MECOM: variants seen among roughly 807,000 people sequenced by gnomAD.
MECOM encodes the protein histone-lysine N-methyltransferase MECOM.
Under a neutral mutation model 116.3 loss-of-function variants are expected in MECOM, and 13 were observed. The observed-to-expected ratio is 0.11, with a 90% CI of 0.07 to 0.18. The LOEUF is 0.18. Among genes scored for constraint, MECOM ranks in the 10% least tolerant of loss-of-function variants. MECOM has a pLI of 1.00. For missense variants in MECOM, 1,299 were observed against 1,509.0 expected (o/e 0.86, Z 2.31); for synonymous variants, 528 against 535.2 (o/e 0.99, Z 0.19).
At chr3:169,649,284 AC>A (rs1774571411) in intron 1 of MECOM, among the ~76,000 whole-genome samples, 2 of 151,562 alleles carry the variant, frequency 1.3e-5, no homozygotes, top group African/African-American at 4.8e-5. Context: ...CCATGGTGAA[AC>A]CCTGTCTCAG....
intron 1 of MECOM, among the ~76,000 whole-genome samples, chr3:169,653,086 T>C (rs1029576971): frequency 2.0e-5 from 3 of 152,210 alleles, no homozygotes; most frequent in Non-Finnish European, 2.9e-5. Flanking sequence ...AAATTAGGAA[T>C]AATACTCCAC....
At chr3:169,328,326 T>C (rs1170364094) in intron 2 of MECOM, among the ~76,000 whole-genome samples, 1 of 152,216 alleles carries the variant, frequency 6.6e-6, no homozygotes, top group Non-Finnish European at 1.5e-5. Context: ...GCACATTTTG[T>C]CAACATCTCA....
chr3:169,311,863 A>T (rs184821554), intron 2 of MECOM, among the ~76,000 whole-genome samples: 1 of 152,334 alleles, frequency 6.6e-6, no homozygotes, highest in Admixed American at 6.5e-5. Context: ...TGTGATTCAA[A>T]AAAAAGTTGA....
At chr3:169,587,225 T>C (rs539218958) in intron 1 of MECOM, among the ~76,000 whole-genome samples, 2 of 152,298 alleles carry the variant, frequency 1.3e-5, no homozygotes, top group Middle Eastern at 3.4e-3. Context: ...TTTCCTGTAA[T>C]ACAGAAATGA....
intron 2 of MECOM, among the ~76,000 whole-genome samples, chr3:169,210,044 T>C (rs1251387950): frequency 6.6e-6 from 1 of 152,146 alleles, no homozygotes; most frequent in African/African-American, 2.4e-5. Context: ...TGCGATCATG[T>C]CCTTTGCAGG....
chr3:169,310,382 T>C (rs1718528287), intron 2 of MECOM, among the ~76,000 whole-genome samples: 2 of 152,236 alleles, frequency 1.3e-5, no homozygotes, highest in African/African-American at 4.8e-5. Context: ...CTCAGTCCTT[T>C]ATGACTCACA....
intron 2 of MECOM, among the ~76,000 whole-genome samples, chr3:169,333,734 CA>C (rs1723117359): frequency 6.6e-6 from 1 of 151,918 alleles, no homozygotes. Context: ...AATATGAAAA[CA>C]AATCATTTTT....
intron 1 of MECOM, among the ~76,000 whole-genome samples, chr3:169,425,009 C>T (rs1740402158): frequency 6.6e-6 from 1 of 151,800 alleles, no homozygotes; most frequent in Non-Finnish European, 1.5e-5. Context: ...ATATATTCAG[C>T]TTAACTACAA....
At chr3:169,594,170 A>AAAAAAAAAAAAAAAAAAAAAAAAACC (rs1553894632) in intron 1 of MECOM, among the ~76,000 whole-genome samples, 3 of 119,350 alleles carry the variant, frequency 2.5e-5, no homozygotes, top group African/African-American at 1.2e-4. Context: ...AAAAAAAAAA[A>AAAAAAAAAAAAAAAAAAAAAAAAACC]AAAAAACACC....
intron 2 of MECOM, among the ~76,000 whole-genome samples, chr3:169,340,167 T>C (rs1187360457): frequency 2.0e-5 from 3 of 152,200 alleles, no homozygotes; most frequent in Non-Finnish European, 4.4e-5. Context: ...GCTTCTTTAA[T>C]AACAAAATGC....
chr3:169,487,913 C>T (rs574395601), intron 1 of MECOM, among the ~76,000 whole-genome samples: 177 of 152,112 alleles, frequency 1.2e-3, no homozygotes, highest in African/African-American at 4.1e-3. Flanking sequence ...ATGAAAAAAT[C>T]ATTATTCCCT....
chr3:169,342,187 A>C (rs143711764), intron 2 of MECOM, among the ~76,000 whole-genome samples: 55 of 152,206 alleles, frequency 3.6e-4, no homozygotes, highest in African/African-American at 1.2e-3. Flanking sequence ...TTCAGCAATT[A>C]ACCAAGTTTA....
intron 1 of MECOM, among the ~76,000 whole-genome samples, chr3:169,485,922 TA>T (rs1288944992): frequency 3.3e-4 from 27 of 82,074 alleles, no homozygotes; most frequent in African/African-American, 1.2e-3. Flanking sequence ...TATGTATATA[TA>T]GTATATATAG....
At chr3:169,396,613 G>A (rs578105919) in intron 1 of MECOM, among the ~76,000 whole-genome samples, 1 of 152,074 alleles carries the variant, frequency 6.6e-6, no homozygotes, top group South Asian at 2.1e-4. Flanking sequence ...AAATTACTAT[G>A]TGGCTCACAT....
At chr3:169,638,999 CTGTT>C (rs34383661) in intron 1 of MECOM, among the ~76,000 whole-genome samples, 59,690 of 151,640 alleles carry the variant, frequency 0.39, 12,029 homozygotes, top group East Asian at 0.56. Flanking sequence ...GTCTCTTTCT[CTGTT>C]TGCAGCAATT....
intron 1 of MECOM, among the ~76,000 whole-genome samples, chr3:169,471,211 C>CT (rs974861655): frequency 6.6e-6 from 1 of 152,118 alleles, no homozygotes; most frequent in African/African-American, 2.4e-5. Context: ...ATGCTGGTCT[C>CT]TAACTCCTGG....
At chr3:169,264,887 AAG>A (rs1758066821) in intron 2 of MECOM, among the ~76,000 whole-genome samples, 1 of 152,216 alleles carries the variant, frequency 6.6e-6, no homozygotes, top group Admixed American at 6.5e-5. Context: ...TGCCAAGAGA[AAG>A]AGATTATTCC....
At chr3:169,638,974 T>C (rs1031904480) in intron 1 of MECOM, among the ~76,000 whole-genome samples, 13 of 145,306 alleles carry the variant, frequency 8.9e-5, no homozygotes, top group Admixed American at 1.4e-4. Context: ...GAGAAGTAGA[T>C]GTATCTTCTC....
At chr3:169,140,635 T>C (rs1360682465) in intron 3 of MECOM, among the ~76,000 whole-genome samples, 1 of 151,790 alleles carries the variant, frequency 6.6e-6, no homozygotes, top group Admixed American at 6.6e-5. Flanking sequence ...TGAGTCTTTC[T>C]AGGCAGCACT....
Sources: gnomAD v4.1 joint callset for allele counts (sites outside exome capture counted in the v4.1 genomes callset) on GRCh38, gnomAD v4.1.1 for gene constraint, MANE v1.5 for transcripts, NCBI Gene and HGNC (gene_info 2026-07-23, HGNC 2026-07-21) for gene names.